Variants in PPAT observed in about 807,000 individuals in gnomAD.
PPAT encodes the protein amidophosphoribosyltransferase.
Under a neutral mutation model 60.2 loss-of-function variants are expected in PPAT, and 20 were observed. The observed-to-expected ratio is 0.33, with a 90% CI of 0.23 to 0.48. The LOEUF (loss-of-function observed/expected upper bound fraction) is 0.48. Ranked by LOEUF, PPAT falls within the 20% of genes least tolerant of loss-of-function variation. The probability of loss-of-function intolerance (pLI) is 0.99; values close to 1 mark genes in which losing one functional copy is unlikely to be tolerated. For synonymous variants in PPAT, 194 were observed against 215.1 expected, an observed-to-expected ratio of 0.90 and a Z score of 0.86; for missense variants, 349 against 629.6, an observed-to-expected ratio of 0.55 and a Z score of 4.77.
chr4:56,403,183 A>G lies in PPAT; in HGVS notation c.518T>C (p.Ile173Thr), dbSNP rs775221186. The G allele has an allele frequency of 6.3e-7, 1 of 1,591,228 alleles. No individual in the cohort carries two copies. The highest frequency in any genetic ancestry group is 8.6e-7 in the Non-Finnish European group (1 of 1,166,642). ...QDDTPDWVAR[I>T]KNLMKEAPTA... ...GGGTGCTTCCTTCATCAAGTTTTTAATCCTGGAATTAATTAAATAATTGAA... is the reference window on the plus strand; with the variant it reads ...GGGTGCTTCCTTCATCAAGTTTTTAGTCCTGGAATTAATTAAATAATTGAA... The change falls in exon 5 of 11, where the codon ATT becomes ACT. Residue 173 changes from isoleucine to threonine, a missense_variant and splice_region_variant. Physicochemically the swap from Ile to Thr is moderately conservative, Grantham distance 89. Transcript: ENST00000264220.
chr4:56,408,434 C>CA (rs34049939), intron 1 of PPAT: 2,201 of 100,400 alleles, frequency 0.022, 59 homozygotes, highest in African/African-American at 0.042. Flanking sequence ...GACTCCGTCT[C>CA]AAAAAAAAAA....
chr4:56,410,582 G>GA (rs546553858), intron 1 of PPAT: 8 of 985,756 alleles, frequency 8.1e-6, no homozygotes, highest in Middle Eastern at 2.9e-4. Context: ...TGTCTGGGCA[G>GA]AAAAAAATAT....
chr4:56,435,266 G>C lies in PPAT; in HGVS notation c.128+84C>G. 5.1e-6 allele frequency: 8 copies of C among 1,578,676 alleles called. No homozygotes were observed. In the South Asian group the frequency reaches 8.1e-5, roughly 16 times the overall value. ...GAGAGGTCGGTCCTCCCGGGCCCTCGGGCGCTCATGAGAACGCCGACTGCG... is the reference window on the plus strand; with the variant it reads ...GAGAGGTCGGTCCTCCCGGGCCCTCCGGCGCTCATGAGAACGCCGACTGCG... On this transcript the variant is annotated intron_variant, in intron 1 of 10. Coordinates refer to ENST00000264220, the MANE Select transcript of PPAT (RefSeq NM_002703.5).
At chr4:56,410,939 CTT>C (rs1553938148) in intron 1 of PPAT, 2 of 929,126 alleles carry the variant, frequency 2.2e-6, no homozygotes, top group Non-Finnish European at 2.5e-6. Flanking sequence ...GAAAAGTACT[CTT>C]GTTTTTCTTT....
At chr4:56,404,090 G>T in intron 3 of PPAT, 1 of 414,840 alleles carries the variant, frequency 2.4e-6, no homozygotes, top group Non-Finnish European at 5.0e-6. Context: ...ACTAATAACG[G>T]ATGACCATGG....
chr4:56,411,328 G>A (rs992592295), intron 1 of PPAT, among the ~76,000 whole-genome samples: 7 of 152,012 alleles, frequency 4.6e-5, no homozygotes, highest in Admixed American at 1.3e-4. Context: ...TTTAATTTGC[G>A]TTTTCCTAAA....
chr4:56,396,538 T>G lies in PPAT; in HGVS notation c.1357+81A>C. The G allele has an allele frequency of 7.3e-7, 1 of 1,374,922 alleles. No homozygotes were observed. The highest frequency in any genetic ancestry group is 1.3e-5 in the South Asian group (1 of 75,738). The allele number at this position is 1,374,922 out of a possible 1,614,324, so 85.2% of individuals were successfully genotyped here. Reference sequence around the variant, plus strand: ...ACTTTTAACAAACACTGAATACTCCTTTTTACTAAAGGTGTAAAGACTGTC... The same window carrying G: ...ACTTTTAACAAACACTGAATACTCCGTTTTACTAAAGGTGTAAAGACTGTC... On this transcript the variant is annotated intron_variant, in intron 10 of 10. Transcript: ENST00000264220. The surrounding 1 kb of genome is among the most constrained non-coding windows in gnomAD (Gnocchi z 4.6).
chr4:56,402,820 C>CAAAAAAAAA (rs556899549), intron 5 of PPAT, among the ~76,000 whole-genome samples: 1 of 44,024 alleles, frequency 2.3e-5, no homozygotes, highest in African/African-American at 9.3e-5. Flanking sequence ...ACTCGGTCTC[C>CAAAAAAAAA]AAAAAAAAAA....
intron 1 of PPAT, among the ~76,000 whole-genome samples, chr4:56,414,670 C>G (rs1307978702): frequency 2.0e-5 from 3 of 152,160 alleles, no homozygotes; most frequent in African/African-American, 7.2e-5. Flanking sequence ...GTTTCACTAC[C>G]ATCTGTATGT....
chr4:56,408,421 G>GAGACA (rs1716301564), intron 1 of PPAT: 1 of 123,474 alleles, frequency 8.1e-6, no homozygotes. Context: ...GCGACAGAGC[G>GAGACA]GAGACTCCGT....
At chr4:56,433,383 C>A (rs1297298914) in intron 1 of PPAT, among the ~76,000 whole-genome samples, 4 of 125,820 alleles carry the variant, frequency 3.2e-5, no homozygotes, top group African/African-American at 3.0e-5. Flanking sequence ...AACCAGGAAT[C>A]AAATGGTATT....
chr4:56,406,178 TAA>T (rs1716236217), intron 3 of PPAT, among the ~76,000 whole-genome samples: 1 of 152,156 alleles, frequency 6.6e-6, no homozygotes, highest in Admixed American at 6.5e-5. Flanking sequence ...GCAACAGAGT[TAA>T]AGAGATAGCA....
chr4:56,401,203 C>T, intron 7 of PPAT, 127 bp downstream of exon 7: 1 of 936,336 alleles, frequency 1.1e-6, no homozygotes, highest in Non-Finnish European at 1.6e-6. Context: ...GGGCTCAGTC[C>T]TATATCCACA....
chr4:56,434,746 T>C (rs372156004), intron 1 of PPAT, among the ~76,000 whole-genome samples: 59 of 152,282 alleles, frequency 3.9e-4, no homozygotes, highest in African/African-American at 1.4e-3. Flanking sequence ...ATTTAATTTA[T>C]GTGAGATCTA....
chr4:56,422,884 T>C (rs1717114036), intron 1 of PPAT: 1 of 152,204 alleles, frequency 6.6e-6, no homozygotes, highest in Non-Finnish European at 1.5e-5. Flanking sequence ...GAGAACTTAC[T>C]CAAAATGCAA....
chr4:56,405,626 C>G (rs1397907550), intron 3 of PPAT, among the ~76,000 whole-genome samples: 1 of 152,238 alleles, frequency 6.6e-6, no homozygotes, highest in African/African-American at 2.4e-5. Context: ...TCCACAATGA[C>G]TAGGTTCAGA....
Position 56,406,664 on chromosome 4 carries a change from T to C in PPAT, c.233A>G (p.Asn78Ser), listed in dbSNP as rs750703999. The C allele has an allele frequency of 2.5e-6, 4 of 1,612,746 alleles. No individual in the cohort carries two copies. The highest frequency in any genetic ancestry group is 2.7e-5 in the African/African-American group (2 of 74,884). The change falls in exon 3 of 11, where the codon AAT (asparagine) becomes AGT (serine). Residue 78 changes from asparagine (N) to serine (S), a missense_variant. Coordinates refer to ENST00000264220, the MANE Select transcript of PPAT (RefSeq NM_002703.5). ...GLVNHVFTED[N>S]LKKLYVSNLG... ...ATTTGAAACATATAATTTTTTCAAA[T>C]TGTCTTCAGTAAAGACGTGATTTAC... is the stretch of plus-strand genomic sequence containing the variant.
intron 5 of PPAT, among the ~76,000 whole-genome samples, 191 bp downstream of exon 5, chr4:56,402,836 AAAAAAAAAAAAAG>A (rs1373878277): frequency 1.6e-5 from 2 of 122,714 alleles, no homozygotes; most frequent in South Asian, 2.7e-4. Flanking sequence ...AAAAAAAAAA[AAAAAAAAAAAAAG>A]GGGGGGGACT....
intron 1 of PPAT, among the ~76,000 whole-genome samples, chr4:56,424,924 T>C (rs1717214783): frequency 6.6e-6 from 1 of 152,200 alleles, no homozygotes; most frequent in Non-Finnish European, 1.5e-5. Flanking sequence ...GAGTCAAGCA[T>C]ACTTAAATAA....
Sources: gnomAD v4.1 joint callset for allele counts (sites outside exome capture counted in the v4.1 genomes callset) on GRCh38, gnomAD v4.1.1 for gene constraint, Gnocchi (gnomAD v3.1) non-coding constraint, MANE v1.5 for transcripts, NCBI Gene and HGNC (gene_info 2026-07-23, HGNC 2026-07-21) for gene names.